DPH6: variants seen among roughly 807,000 people sequenced by gnomAD.
The protein encoded by DPH6 is diphthamine biosynthesis 6, also known as diphthine--ammonia ligase.
A neutral mutation model predicts 38.2 loss-of-function variants in DPH6; 33 were observed. That is an observed-to-expected ratio of 0.86 (90% CI 0.65 to 1.15). DPH6 has a LOEUF of 1.15. Ranked by LOEUF, DPH6 falls within the 50% of genes most tolerant of loss-of-function variation. The pLI, the probability that DPH6 is intolerant of heterozygous loss-of-function variation, is 0.00. For synonymous variants in DPH6, 108 were observed against 103.0 expected (o/e 1.05, Z -0.30); for missense variants, 325 against 320.0 (o/e 1.02, Z -0.12).
At chr15:35,340,293 T>C (rs920880716) in intron 3 of DPH6, among the ~76,000 whole-genome samples, 8 of 152,186 alleles carry the variant, frequency 5.3e-5, no homozygotes, top group Admixed American at 2.6e-4. Context: ...GATGGATCTC[T>C]TGAAGACAGC....
intron 5 of DPH6, among the ~76,000 whole-genome samples, chr15:35,429,468 AT>A: frequency 6.7e-6 from 1 of 150,370 alleles, no homozygotes; most frequent in East Asian, 2.0e-4. Context: ...TCACTTGCAA[AT>A]TTCATCAGCA....
chr15:35,242,914 A>C (rs1264458871), intron 3 of DPH6, among the ~76,000 whole-genome samples: 1 of 141,986 alleles, frequency 7.0e-6, no homozygotes, highest in Admixed American at 7.7e-5. Flanking sequence ...TCTTGTTTAC[A>C]CTGCCGGTTT....
chr15:35,367,231 T>C (rs2052669220), downstream of DPH6, among the ~76,000 whole-genome samples: 1 of 151,892 alleles, frequency 6.6e-6, no homozygotes, highest in Non-Finnish European at 1.5e-5. Flanking sequence ...AAGAGCACGA[T>C]TAAATACTAA....
At chr15:35,523,010 G>C (rs948419570) in intron 3 of DPH6, among the ~76,000 whole-genome samples, 1 of 151,922 alleles carries the variant, frequency 6.6e-6, no homozygotes, top group Non-Finnish European at 1.5e-5. Context: ...AAATTTTCAA[G>C]TATATTTTAA....
At chr15:35,300,343 T>G (rs185505383) in intron 3 of DPH6, among the ~76,000 whole-genome samples, 209 of 152,250 alleles carry the variant, frequency 1.4e-3, no homozygotes, top group Middle Eastern at 0.014. Flanking sequence ...AGTACTACAT[T>G]GAGAATAAAT....
At chr15:35,202,594 T>G in the DPH6 span, among the ~76,000 whole-genome samples, 3 of 151,800 alleles carry the variant, frequency 2.0e-5, no homozygotes, top group Admixed American at 6.6e-5. Context: ...TCCAAGACAG[T>G]GTAAACGAGC....
intron 3 of DPH6, among the ~76,000 whole-genome samples, chr15:35,301,248 T>C (rs769198924): frequency 7.8e-4 from 118 of 152,204 alleles, no homozygotes; most frequent in Non-Finnish European, 1.4e-3. Flanking sequence ...AGGACACTTA[T>C]GAAAGTGAAA....
the DPH6 span, among the ~76,000 whole-genome samples, chr15:35,208,539 T>G: frequency 6.6e-6 from 1 of 152,088 alleles, no homozygotes; most frequent in African/African-American, 2.4e-5. Flanking sequence ...CCAAAAAAGG[T>G]TTGCCAAATC....
chr15:35,285,871 A>ATTTTTTTTTTTTTTTTTTTTTT (rs1566859769), intron 3 of DPH6, among the ~76,000 whole-genome samples: 1 of 2,856 alleles, frequency 3.5e-4, no homozygotes, highest in Non-Finnish European at 9.9e-4. Flanking sequence ...TTTATCTTTG[A>ATTTTTTTTTTTTTTTTTTTTTT]GTTTTTTTTT....
the DPH6 span, among the ~76,000 whole-genome samples, chr15:35,149,640 C>T: frequency 6.6e-6 from 1 of 152,236 alleles, no homozygotes; most frequent in Non-Finnish European, 1.5e-5. Flanking sequence ...CACTTCTGGC[C>T]TGGCTATCAC....
intron 3 of DPH6, among the ~76,000 whole-genome samples, chr15:35,502,770 T>A (rs1212847984): frequency 6.6e-6 from 1 of 151,528 alleles, no homozygotes; most frequent in East Asian, 1.9e-4. Context: ...TTTGTTAAGA[T>A]CTCACTTTGT....
chr15:35,416,191 C>T (rs944903814), intron 5 of DPH6, among the ~76,000 whole-genome samples: 3 of 151,872 alleles, frequency 2.0e-5, no homozygotes, highest in African/African-American at 7.2e-5. Context: ...TACAAATTTG[C>T]GTTGGGCCGC....
chr15:35,433,832 A>G (rs1185180833), intron 5 of DPH6, among the ~76,000 whole-genome samples: 5 of 152,172 alleles, frequency 3.3e-5, no homozygotes, highest in African/African-American at 4.8e-5. Context: ...GGTCACTGGG[A>G]TGTTTAAAAG....
intron 3 of DPH6, among the ~76,000 whole-genome samples, chr15:35,496,565 AAAATATATAT>A (rs1253245986): frequency 9.9e-5 from 2 of 20,152 alleles, no homozygotes; most frequent in East Asian, 3.5e-3. Flanking sequence ...CAAAAAAAAA[AAAATATATAT>A]ATATATATAT....
chr15:35,181,295 C>T, the DPH6 span, among the ~76,000 whole-genome samples: 1 of 151,906 alleles, frequency 6.6e-6, no homozygotes, highest in East Asian at 1.9e-4. Context: ...AGCACCTAAA[C>T]ATTCTTTCTC....
At chr15:35,230,628 C>A (rs2051510742) in intron 3 of DPH6, among the ~76,000 whole-genome samples, 1 of 152,168 alleles carries the variant, frequency 6.6e-6, no homozygotes, top group African/African-American at 2.4e-5. Context: ...TCCCATGAAA[C>A]CAGCAAGTCT....
At chr15:35,414,603 C>A (rs2053413077) in intron 5 of DPH6, among the ~76,000 whole-genome samples, 2 of 151,800 alleles carry the variant, frequency 1.3e-5, no homozygotes, top group South Asian at 2.1e-4. Flanking sequence ...CCTTGAAACA[C>A]CTATTACACA....
chr15:35,471,328 C>T (rs995173009), intron 3 of DPH6, among the ~76,000 whole-genome samples: 3 of 152,136 alleles, frequency 2.0e-5, no homozygotes, highest in Non-Finnish European at 4.4e-5. Flanking sequence ...TTCCCCAAAT[C>T]CTGTCACAAA....
intron 5 of DPH6, among the ~76,000 whole-genome samples, chr15:35,446,039 T>C (rs1180952183): frequency 6.6e-6 from 1 of 152,138 alleles, no homozygotes; most frequent in Admixed American, 6.5e-5. Flanking sequence ...TGATGCTGGA[T>C]GTGTTCTCAA....
Sources: allele counts gnomAD v4.1 joint callset (sites outside exome capture counted in the v4.1 genomes callset), GRCh38; gene constraint gnomAD v4.1.1; transcripts MANE v1.5; gene names NCBI Gene and HGNC (gene_info 2026-07-23, HGNC 2026-07-21).